The following KCNE2 variants were observed in gnomAD, a reference collection of about 807,000 sequenced individuals.
KCNE2 encodes the protein potassium voltage-gated channel subfamily E regulatory subunit 2, also known as potassium voltage-gated channel subfamily E member 2.
A neutral mutation model predicts 4.5 loss-of-function variants in KCNE2; 4 were observed. The observed-to-expected ratio is 0.89, with a 90% confidence interval of 0.44 to 2.03. KCNE2 has a LOEUF of 2.03. Among genes scored for constraint, KCNE2 ranks in the 30% most tolerant of loss-of-function variants. The pLI, the probability that KCNE2 is intolerant of heterozygous loss-of-function variation, is 0.03. For synonymous variants in KCNE2, 57 were observed against 55.9 expected (o/e 1.02, Z -0.09); for missense variants, 137 against 151.4 (o/e 0.90, Z 0.50).
At chr21:34,368,229 A>ACTAT (rs781775671) in intron 1 of KCNE2, among the ~76,000 whole-genome samples, 2 of 84,808 alleles carry the variant, frequency 2.4e-5, no homozygotes, top group African/African-American at 6.0e-5. Flanking sequence ...ACACACACAC[A>ACTAT]ATATATATAT....
chr21:34,370,825 C>A lies in KCNE2; in HGVS notation c.347C>A (p.Ala116Glu). 3 of 1,614,068 alleles carry A rather than the reference C, an allele frequency of 1.9e-6. No individual in the cohort carries two copies. The highest frequency in any genetic ancestry group is 2.2e-5 in the East Asian group (1 of 44,882). ...SKATIHENIG[A>E]AGFKMSP is the part of the protein sequence containing the mutation. ...GCCACCATCCATGAGAACATTGGTG[C>A]GGCTGGGTTCAAAATGTCCCCCTGA... Residue 116 changes from alanine (A) to glutamate (E), a missense_variant, in exon 2 of 2, where the codon GCG becomes GAG. Transcript: ENST00000290310.
Position 34,371,079 on chromosome 21 carries a change from T to G in KCNE2, c.*229T>G. 1 of 595,528 alleles carries G rather than the reference T, an allele frequency of 1.7e-6. No individual in the cohort carries two copies. Among genetic ancestry groups the G allele is most frequent in the Non-Finnish European group, 3.0e-6 (1 of 333,018 alleles). 36.9% of individuals were successfully genotyped at this position (595,528 alleles called of 1,614,324 possible). A position where few individuals can be genotyped will look rare whatever the true frequency, so the allele number is the denominator to read the frequency against. On this transcript the variant is annotated 3_prime_UTR_variant, in exon 2 of 2. Coordinates refer to ENST00000290310, the MANE Select transcript of KCNE2 (RefSeq NM_172201.2). ...ATTTTGTGCTGAAGACCTCTTTTAC[T>G]TTCCGGGCAAGTGAATGTCATTTTA...
intron 1 of KCNE2, among the ~76,000 whole-genome samples, chr21:34,366,775 C>T (rs548171536): frequency 1.3e-4 from 19 of 151,146 alleles, no homozygotes; most frequent in East Asian, 1.2e-3. Context: ...GTCAGGAGAT[C>T]GAGACCATCC....
chr21:34,368,603 AAAAC>A (rs779297469), intron 1 of KCNE2, among the ~76,000 whole-genome samples: 6 of 152,128 alleles, frequency 3.9e-5, no homozygotes, highest in Non-Finnish European at 8.8e-5. Flanking sequence ...CCGTCTCAAA[AAAAC>A]AAAAAATTTT....
intron 1 of KCNE2, among the ~76,000 whole-genome samples, chr21:34,366,097 C>A (rs1441185921): frequency 6.6e-6 from 1 of 152,150 alleles, no homozygotes; most frequent in African/African-American, 2.4e-5. Flanking sequence ...AAATAATGGG[C>A]AGTTGGGGCT....
intron 1 of KCNE2, among the ~76,000 whole-genome samples, chr21:34,368,267 T>TATATATA (rs1370394357): frequency 9.9e-5 from 7 of 71,060 alleles, no homozygotes; most frequent in Admixed American, 1.4e-4. Flanking sequence ...TATATGTATG[T>TATATATA]TATATATATG....
chr21:34,370,384 C>T lies in KCNE2; in HGVS notation c.-12-83C>T, dbSNP rs529311215. 4.6e-6 allele frequency: 7 copies of T among 1,534,608 alleles called. No individual in the cohort carries two copies. The African/African-American group carries it at 8.2e-5, about 18-fold the overall frequency. ...AATACTATTACTTATACCCTGGCAT[C>T]TCCCTCCCACCTTTACATAGCCAAA... On this transcript the variant is annotated intron_variant, in intron 1 of 1. Coordinates refer to ENST00000290310, the MANE Select transcript of KCNE2 (RefSeq NM_172201.2).
At chr21:34,364,200 G>A (rs999538522) in intron 1 of KCNE2, 49 bp downstream of exon 1, 1 of 152,140 alleles carries the variant, frequency 6.6e-6, no homozygotes, top group African/African-American at 2.4e-5. Flanking sequence ...AAGTAACAAA[G>A]TTATCTATGT....
At chr21:34,367,872 C>T (rs1244139032) in intron 1 of KCNE2, among the ~76,000 whole-genome samples, 1 of 152,060 alleles carries the variant, frequency 6.6e-6, no homozygotes, top group East Asian at 1.9e-4. Flanking sequence ...GCCTGTGCTC[C>T]TTCTAGCTGT....
At chr21:34,366,187 C>T (rs1979284142) in intron 1 of KCNE2, among the ~76,000 whole-genome samples, 1 of 152,198 alleles carries the variant, frequency 6.6e-6, no homozygotes, top group Non-Finnish European at 1.5e-5. Flanking sequence ...GAATTCAGCA[C>T]TGAAGTCCCT....
chr21:34,368,237 T>TATATATATATATAC (rs1979411015), intron 1 of KCNE2, among the ~76,000 whole-genome samples: 1 of 104,372 alleles, frequency 9.6e-6, no homozygotes, highest in African/African-American at 4.5e-5. Flanking sequence ...ACAATATATA[T>TATATATATATATAC]ATATATATAT....
chr21:34,370,545 A>G lies in KCNE2; in HGVS notation c.67A>G (p.Met23Val). 2 of 1,614,202 alleles carry G rather than the reference A, an allele frequency of 1.2e-6. No homozygotes were observed. Among genetic ancestry groups the G allele is most frequent in the Non-Finnish European group, 8.5e-7 (1 of 1,180,040 alleles). The part of the protein sequence containing the change: ...DVFRRIFITY[M>V]DNWRQNTTAE... ...CTTCCGAAGGATTTTTATTACTTAT[A>G]TGGACAATTGGCGCCAGAACACAAC... is the stretch of plus-strand genomic sequence containing the variant. The change falls in exon 2 of 2, where the codon ATG becomes GTG. Residue 23 changes from methionine (M) to valine (V), a missense_variant. Physicochemically the swap from Met to Val is conservative, Grantham distance 21. Coordinates refer to ENST00000290310, the MANE Select transcript of KCNE2 (RefSeq NM_172201.2).
chr21:34,364,601 C>T (rs966074078), intron 1 of KCNE2, among the ~76,000 whole-genome samples: 1 of 152,020 alleles, frequency 6.6e-6, no homozygotes, highest in Non-Finnish European at 1.5e-5. Flanking sequence ...GAAACCCCAT[C>T]TCTACTAAAA....
At chr21:34,364,960 T>C (rs538302659) in intron 1 of KCNE2, among the ~76,000 whole-genome samples, 9 of 152,266 alleles carry the variant, frequency 5.9e-5, no homozygotes, top group African/African-American at 1.7e-4. Flanking sequence ...GCTCAAATCA[T>C]GGTCTTGATC....
intron 1 of KCNE2, among the ~76,000 whole-genome samples, chr21:34,366,560 CG>C (rs1285672185): frequency 6.6e-6 from 1 of 152,024 alleles, no homozygotes; most frequent in African/African-American, 2.4e-5. Flanking sequence ...CCCTGCCTTC[CG>C]GGGGCTCAAG....
intron 1 of KCNE2, among the ~76,000 whole-genome samples, chr21:34,367,190 G>T (rs1300420536): frequency 6.6e-6 from 1 of 150,544 alleles, no homozygotes; most frequent in Non-Finnish European, 1.5e-5. Flanking sequence ...GTCTGGCATG[G>T]TGGCTCAAAC....
intron 1 of KCNE2, among the ~76,000 whole-genome samples, chr21:34,369,403 A>G (rs142995231): frequency 0.017 from 2,630 of 152,194 alleles, 39 homozygotes; most frequent in Middle Eastern, 0.027. Flanking sequence ...TACAAAAGTT[A>G]GCCAGGCGTG....
chr21:34,368,182 C>A (rs553604282), intron 1 of KCNE2, among the ~76,000 whole-genome samples: 4 of 138,872 alleles, frequency 2.9e-5, no homozygotes, highest in African/African-American at 8.3e-5. Flanking sequence ...AAAAGATGAG[C>A]CCCTAAACCA....
At position 34,370,882 on chromosome 21, in the gene KCNE2, C is replaced by G; in HGVS notation, c.*32C>G. Reference sequence around the variant, plus strand: ...AGAAAGGCACCAAGCTAACATCTGACGTCCAGACATGAAGAGATGCCAGTG... The same window carrying G: ...AGAAAGGCACCAAGCTAACATCTGAGGTCCAGACATGAAGAGATGCCAGTG... On this transcript the variant is annotated 3_prime_UTR_variant, in exon 2 of 2. Coordinates refer to ENST00000290310, the MANE Select transcript of KCNE2 (RefSeq NM_172201.2). The G allele has an allele frequency of 6.2e-7, 1 of 1,612,726 alleles. No individual in the cohort carries two copies. Among genetic ancestry groups the G allele is most frequent in the African/African-American group, 1.3e-5 (1 of 75,002 alleles).
Sources: gnomAD v4.1 joint callset for allele counts (sites outside exome capture counted in the v4.1 genomes callset) on GRCh38, gnomAD v4.1.1 for gene constraint, MANE v1.5 for transcripts, NCBI Gene and HGNC (gene_info 2026-07-23, HGNC 2026-07-21) for gene names.